Variants in NEGR1 observed in about 807,000 individuals in gnomAD.
NEGR1 encodes neuronal growth regulator 1, also known as IgLON family member 4.
NEGR1 carries 10 observed loss-of-function variants against 40.9 expected under a neutral mutation model. That is an observed-to-expected ratio of 0.24 (90% CI 0.15 to 0.42). The LOEUF (loss-of-function observed/expected upper bound fraction) is 0.42, where lower values mean the gene tolerates loss of function less well. Among genes scored for constraint, NEGR1 ranks in the 10% least tolerant of loss-of-function variants. The pLI, the probability that NEGR1 is intolerant of heterozygous loss-of-function variation, is 1.00. For synonymous variants in NEGR1, 185 were observed against 166.8 expected (o/e 1.11, Z -0.84); for missense variants, 352 against 438.9 (o/e 0.80, Z 1.77).
At chr1:71,705,516 T>A (rs188478894) in intron 3 of NEGR1, among the ~76,000 whole-genome samples, 1 of 152,190 alleles carries the variant, frequency 6.6e-6, no homozygotes, top group Admixed American at 6.5e-5. Flanking sequence ...GTGTTCAGAA[T>A]GTATAACAAA....
intron 1 of NEGR1, among the ~76,000 whole-genome samples, chr1:72,047,954 C>T (rs939526997): frequency 1.3e-5 from 2 of 151,592 alleles, no homozygotes; most frequent in African/African-American, 2.4e-5. Flanking sequence ...AAAAACTGCT[C>T]ATCCAGGCAG....
At chr1:71,777,056 C>T (rs1656538678) in intron 2 of NEGR1, among the ~76,000 whole-genome samples, 1 of 152,014 alleles carries the variant, frequency 6.6e-6, no homozygotes, top group Admixed American at 6.6e-5. Context: ...GTTTTTATCC[C>T]AGAATTTAAT....
chr1:71,642,908 T>A (rs17512498), intron 4 of NEGR1, among the ~76,000 whole-genome samples: 2,019 of 152,106 alleles, frequency 0.013, 20 homozygotes, highest in Middle Eastern at 0.048. Context: ...GTTACCCTTT[T>A]ATCTAGGATT....
intron 3 of NEGR1, among the ~76,000 whole-genome samples, chr1:71,737,321 C>T (rs1489149520): frequency 3.3e-5 from 5 of 151,274 alleles, no homozygotes; most frequent in Non-Finnish European, 5.9e-5. Context: ...TTCAAACACC[C>T]GTTGGACAGA....
intron 1 of NEGR1, among the ~76,000 whole-genome samples, chr1:71,972,093 T>C (rs1437647665): frequency 6.6e-6 from 1 of 152,194 alleles, no homozygotes; most frequent in African/African-American, 2.4e-5. Context: ...CTTGGAGTAG[T>C]GATAACACAT....
In NEGR1 at chr1:71,556,188, ATC is replaced by A. The variant is rs1648245929; in HGVS notation, c.940+36627_940+36628del. Among the ~76,000 whole-genome samples the A allele has an allele frequency of 2.6e-5, 4 of 151,546 alleles. No homozygotes were observed. In the South Asian group the frequency reaches 8.3e-4, roughly 31 times the overall value. ...CATCAAACTTTAATGCACAATAGCA[ATC>A]TCTCTGTTTTGCAAGGAAATCTGGG... is the stretch of plus-strand genomic sequence containing the variant. On this transcript the variant is annotated intron_variant, in intron 6 of 6. Coordinates refer to ENST00000357731, the MANE Select transcript of NEGR1 (RefSeq NM_173808.3).
chr1:72,195,641 G>A (rs145660249), intron 1 of NEGR1, among the ~76,000 whole-genome samples: 1 of 127,102 alleles, frequency 7.9e-6, no homozygotes, highest in South Asian at 2.3e-4. Context: ...TGGTCAGGAA[G>A]TTAAGATTTT....
At chr1:72,133,233 G>C (rs1029590396) in intron 1 of NEGR1, among the ~76,000 whole-genome samples, 44 of 151,980 alleles carry the variant, frequency 2.9e-4, no homozygotes, top group Non-Finnish European at 5.6e-4. Context: ...TTTAAATGTA[G>C]AGTTCCTACA....
chr1:71,734,755 C>G (rs1654994037), intron 3 of NEGR1, among the ~76,000 whole-genome samples: 1 of 152,110 alleles, frequency 6.6e-6, no homozygotes, highest in African/African-American at 2.4e-5. Context: ...ACTGAAACAG[C>G]TTTCATTAAA....
intron 6 of NEGR1, among the ~76,000 whole-genome samples, chr1:71,589,648 T>C (rs1456786241): frequency 6.6e-6 from 1 of 152,152 alleles, no homozygotes; most frequent in Non-Finnish European, 1.5e-5. Flanking sequence ...TGCAACTCCC[T>C]TCCTTTTCTT....
intron 3 of NEGR1, among the ~76,000 whole-genome samples, chr1:71,707,834 AAAGG>A (rs1311077596): frequency 4.6e-5 from 7 of 152,290 alleles, no homozygotes; most frequent in Admixed American, 4.6e-4. Flanking sequence ...GTGAGAAAGT[AAAGG>A]AAGAGAACAA....
At chr1:71,533,725 AC>A (rs1481743291) in intron 6 of NEGR1, among the ~76,000 whole-genome samples, 1 of 151,636 alleles carries the variant, frequency 6.6e-6, no homozygotes, top group East Asian at 2.0e-4. Flanking sequence ...CTATTTTTAA[AC>A]TTATCTTCTT....
intron 3 of NEGR1, chr1:71,703,094 A>C (rs1185401956): frequency 6.6e-6 from 1 of 152,150 alleles, no homozygotes; most frequent in Non-Finnish European, 1.5e-5. Flanking sequence ...AAAACAAACA[A>C]ACAACTGGGC....
At chr1:72,023,639 A>T (rs1362885248) in intron 1 of NEGR1, among the ~76,000 whole-genome samples, 1 of 139,798 alleles carries the variant, frequency 7.2e-6, no homozygotes, top group African/African-American at 2.7e-5. Context: ...TCCATGTTTA[A>T]AACATTTTAG....
intron 4 of NEGR1, among the ~76,000 whole-genome samples, chr1:71,655,802 T>C (rs1651856112): frequency 6.6e-6 from 1 of 152,176 alleles, no homozygotes. Flanking sequence ...ATTTGAGTTG[T>C]GAAAGGCATC....
At chr1:71,769,184 T>G (rs1398020264) in intron 3 of NEGR1, among the ~76,000 whole-genome samples, 1 of 152,122 alleles carries the variant, frequency 6.6e-6, no homozygotes, top group African/African-American at 2.4e-5. Flanking sequence ...TATTTTTTCT[T>G]ACTATTTCTA....
intron 2 of NEGR1, among the ~76,000 whole-genome samples, chr1:71,795,323 C>T (rs1362867380): frequency 7.2e-5 from 11 of 151,926 alleles, no homozygotes; most frequent in Admixed American, 7.2e-4. Flanking sequence ...AAATAAAAAG[C>T]TGCAACTTAA....
chr1:71,652,228 C>T (rs1651739433), intron 4 of NEGR1, among the ~76,000 whole-genome samples: 1 of 152,196 alleles, frequency 6.6e-6, no homozygotes, highest in South Asian at 2.1e-4. Flanking sequence ...AGCTGCATTA[C>T]TTCTCACACA....
chr1:71,701,219 A>C (rs1318502292), intron 3 of NEGR1, among the ~76,000 whole-genome samples: 1 of 152,016 alleles, frequency 6.6e-6, no homozygotes, highest in Non-Finnish European at 1.5e-5. Context: ...TCACTGGATT[A>C]AAATCAATGT....
Sources: gnomAD v4.1 joint callset for allele counts (sites outside exome capture counted in the v4.1 genomes callset) on GRCh38, gnomAD v4.1.1 for gene constraint, MANE v1.5 for transcripts, NCBI Gene and HGNC (gene_info 2026-07-23, HGNC 2026-07-21) for gene names.